Variants in CNTN4 observed in about 807,000 individuals in gnomAD.
CNTN4 encodes the protein contactin-4.
In CNTN4, 77 loss-of-function variants were observed where a neutral mutation model predicts 122.5. The observed-to-expected ratio is 0.63, with a 90% CI of 0.52 to 0.76. The LOEUF is 0.76. CNTN4 is among the 30% of genes least tolerant of loss of function. CNTN4 has a pLI of 0.00. For missense variants in CNTN4, 1,256 were observed against 1,259.1 expected, an observed-to-expected ratio of 1.00 and a Z score of 0.04; for synonymous variants, 512 against 447.0, an observed-to-expected ratio of 1.15 and a Z score of -1.83.
intron 7 of CNTN4, among the ~76,000 whole-genome samples, chr3:2,825,031 A>G (rs1329868813): frequency 6.6e-6 from 1 of 152,106 alleles, no homozygotes; most frequent in African/African-American, 2.4e-5. Context: ...GTTTTTGTTC[A>G]TAAAGGAAAT....
chr3:2,842,796 T>C (rs2093386780), intron 7 of CNTN4, among the ~76,000 whole-genome samples: 1 of 152,246 alleles, frequency 6.6e-6, no homozygotes, highest in South Asian at 2.1e-4. Flanking sequence ...TTTTGGGCTA[T>C]AACTCTCTTG....
intron 7 of CNTN4, among the ~76,000 whole-genome samples, chr3:2,842,455 T>C (rs912537988): frequency 1.3e-5 from 2 of 152,198 alleles, no homozygotes; most frequent in Non-Finnish European, 2.9e-5. Flanking sequence ...TAGATACATT[T>C]TCTTTCCCTG....
intron 4 of CNTN4, among the ~76,000 whole-genome samples, chr3:2,595,939 G>A (rs367857125): frequency 3.0e-4 from 45 of 152,316 alleles, no homozygotes; most frequent in African/African-American, 1.0e-3. Flanking sequence ...TCTGTTGTAT[G>A]TGGGTGGCAT....
At chr3:2,882,397 A>G (rs2093922541) in intron 8 of CNTN4, among the ~76,000 whole-genome samples, 1 of 152,232 alleles carries the variant, frequency 6.6e-6, no homozygotes, top group Non-Finnish European at 1.5e-5. Context: ...GAAGAAAGAA[A>G]TAACTGATAA....
rs2150515940 is a variant in CNTN4 at position 2,841,353 on chromosome 3, A to G, written c.454+21772A>G. ...ATACTGTGACATTATTATATCCTAC[A>G]ATCACTCATATATCTTTATTTTTCC... On this transcript the variant is annotated intron_variant, in intron 7 of 24. Coordinates refer to ENST00000418658, the MANE Select transcript of CNTN4 (RefSeq NM_175607.3). The surrounding 1 kb of genome is among the most constrained non-coding windows in gnomAD (Gnocchi z 4.8). 6.6e-6 allele frequency among the ~76,000 whole-genome samples: 1 copy of G among 152,330 alleles called. No homozygotes were observed. Among genetic ancestry groups the G allele is most frequent in the Non-Finnish European group, 1.5e-5 (1 of 68,038 alleles).
intron 14 of CNTN4, among the ~76,000 whole-genome samples, chr3:3,017,772 C>T (rs1043782492): frequency 6.6e-6 from 1 of 152,168 alleles, no homozygotes. Context: ...GAAAAAACTT[C>T]GCTTATAAGA....
intron 6 of CNTN4, among the ~76,000 whole-genome samples, chr3:2,774,324 C>G (rs1326832901): frequency 1.3e-5 from 2 of 152,040 alleles, no homozygotes; most frequent in East Asian, 1.9e-4. Flanking sequence ...ACCCCAATCT[C>G]CATTTCATCT....
At chr3:2,528,486 T>C (rs1354703474) in intron 3 of CNTN4, among the ~76,000 whole-genome samples, 1 of 152,142 alleles carries the variant, frequency 6.6e-6, no homozygotes, top group Non-Finnish European at 1.5e-5. Context: ...AGCACTGATA[T>C]TAGGAAAACC....
At chr3:2,244,833 G>C (rs1384535159) in intron 2 of CNTN4, among the ~76,000 whole-genome samples, 1 of 151,996 alleles carries the variant, frequency 6.6e-6, no homozygotes, top group Non-Finnish European at 1.5e-5. Flanking sequence ...TTGCTCAAGG[G>C]CTTGTGCTCT....
intron 2 of CNTN4, among the ~76,000 whole-genome samples, chr3:2,294,028 A>C (rs1310969072): frequency 1.3e-5 from 2 of 152,198 alleles, no homozygotes; most frequent in Non-Finnish European, 2.9e-5. Context: ...AGTTAGTGGA[A>C]GCATTTGAAC....
At chr3:2,795,519 T>TG (rs2092143673) in intron 6 of CNTN4, among the ~76,000 whole-genome samples, 1 of 135,496 alleles carries the variant, frequency 7.4e-6, no homozygotes, top group Admixed American at 7.7e-5. Context: ...CAAATGGGTA[T>TG]CTTTTTTTTT....
chr3:2,164,065 G>A (rs1444352733), intron 2 of CNTN4, among the ~76,000 whole-genome samples: 1 of 151,916 alleles, frequency 6.6e-6, no homozygotes, highest in Admixed American at 6.6e-5. Flanking sequence ...CTACATGTTG[G>A]GTACAATGTA....
At chr3:2,953,342 AT>A (rs1241838344) in intron 13 of CNTN4, among the ~76,000 whole-genome samples, 1 of 151,742 alleles carries the variant, frequency 6.6e-6, no homozygotes, top group African/African-American at 2.4e-5. Context: ...CCATTCTTCA[AT>A]TTCTCAGCAC....
intron 3 of CNTN4, among the ~76,000 whole-genome samples, chr3:2,363,331 C>T (rs1263795276): frequency 6.6e-6 from 1 of 152,160 alleles, no homozygotes; most frequent in African/African-American, 2.4e-5. Context: ...TCCTCTAAAG[C>T]AGGTGTTTTG....
chr3:2,720,333 C>T (rs2087765462), intron 4 of CNTN4, among the ~76,000 whole-genome samples: 1 of 152,282 alleles, frequency 6.6e-6, no homozygotes, highest in African/African-American at 2.4e-5. Flanking sequence ...ATTACCTACC[C>T]TCTTTCCAGC....
chr3:2,762,825 C>T (rs1361692273), intron 6 of CNTN4, among the ~76,000 whole-genome samples: 3 of 151,962 alleles, frequency 2.0e-5, no homozygotes, highest in South Asian at 2.1e-4. Flanking sequence ...TCTCTATAAC[C>T]TTGCCAGCAT....
intron 4 of CNTN4, among the ~76,000 whole-genome samples, chr3:2,575,087 A>G (rs2079599557): frequency 4.6e-5 from 7 of 152,136 alleles, no homozygotes; most frequent in Admixed American, 4.6e-4. Flanking sequence ...TCTACCATAA[A>G]GATAAACAAA....
At chr3:2,220,038 A>T (rs930459204) in intron 2 of CNTN4, among the ~76,000 whole-genome samples, 1 of 152,188 alleles carries the variant, frequency 6.6e-6, no homozygotes, top group South Asian at 2.1e-4. Flanking sequence ...TTGCTGTTAG[A>T]CAAATACAAT....
At chr3:2,489,979 A>G (rs1027232664) in intron 3 of CNTN4, among the ~76,000 whole-genome samples, 4 of 152,032 alleles carry the variant, frequency 2.6e-5, no homozygotes, top group African/African-American at 9.7e-5. Context: ...TAATAACCAA[A>G]TTGTAAATAG....
Sources: allele counts gnomAD v4.1 joint callset (sites outside exome capture counted in the v4.1 genomes callset), GRCh38; gene constraint gnomAD v4.1.1; non-coding constraint Gnocchi (gnomAD v3.1); transcripts MANE v1.5; gene names NCBI Gene and HGNC (gene_info 2026-07-23, HGNC 2026-07-21).